MTHFD1L: variants seen among roughly 807,000 people sequenced by gnomAD.
MTHFD1L encodes monofunctional C1-tetrahydrofolate synthase, mitochondrial.
Under a neutral mutation model 119.5 loss-of-function variants are expected in MTHFD1L, and 81 were observed. The observed-to-expected ratio is 0.68, with a 90% CI of 0.57 to 0.82. The LOEUF (loss-of-function observed/expected upper bound fraction) is 0.82. Among genes scored for constraint, MTHFD1L ranks in the 40% least tolerant of loss-of-function variants. The pLI, the probability that MTHFD1L is intolerant of heterozygous loss-of-function variation, is 0.00. For synonymous variants in MTHFD1L, 430 were observed against 475.2 expected (o/e 0.90, Z 1.24); for missense variants, 1,125 against 1,253.4 (o/e 0.90, Z 1.55).
chr6:150,962,467 C>G (rs17351621), intron 18 of MTHFD1L, among the ~76,000 whole-genome samples: 12,221 of 152,228 alleles, frequency 0.08, 649 homozygotes, highest in Non-Finnish European at 0.12. Flanking sequence ...TGTGCTTCAT[C>G]CAGTGGGAGC....
chr6:151,057,457 A>T (rs571907637), intron 26 of MTHFD1L: 3 of 507,256 alleles, frequency 5.9e-6, no homozygotes, highest in Non-Finnish European at 7.6e-6. Flanking sequence ...CCTGGGCAAC[A>T]TAATGAAAAC....
At chr6:150,960,050 G>T (rs113553804) in intron 17 of MTHFD1L, among the ~76,000 whole-genome samples, 1 of 152,224 alleles carries the variant, frequency 6.6e-6, no homozygotes, top group African/African-American at 2.4e-5. Flanking sequence ...GCTGAGCAGA[G>T]CATGGCAAAG....
chr6:150,944,284 A>G (rs756701150), intron 13 of MTHFD1L, among the ~76,000 whole-genome samples: 1 of 152,210 alleles, frequency 6.6e-6, no homozygotes, highest in Non-Finnish European at 1.5e-5. Flanking sequence ...CCATCTCCAC[A>G]GAAAATTCAA....
At chr6:151,086,945 C>A (rs1210996142) in intron 26 of MTHFD1L, among the ~76,000 whole-genome samples, 1 of 152,186 alleles carries the variant, frequency 6.6e-6, no homozygotes, top group East Asian at 1.9e-4. Flanking sequence ...AAAAGAAAAT[C>A]TTTTTATTTA....
intron 8 of MTHFD1L, among the ~76,000 whole-genome samples, chr6:150,913,668 G>C (rs1312939927): frequency 1.3e-5 from 2 of 152,142 alleles, no homozygotes; most frequent in Non-Finnish European, 2.9e-5. Flanking sequence ...ATATAATTAA[G>C]AGAGTGTGGG....
rs1562427044 is a variant in MTHFD1L at position 150,944,380 on chromosome 6, T to G, written c.1441-106T>G. The G allele has an allele frequency of 4.7e-5, 37 of 793,032 alleles. 1 individual carries two copies. In the South Asian group the frequency reaches 5.6e-4, roughly 12 times the overall value. The allele number at this position is 793,032 out of a possible 1,614,324, so 49.1% of individuals were successfully genotyped here. ...AGAGGATTGCTTGAGCCCAAGAGTT[T>G]GAGAATACAGTGAGCTATGATCATG... On this transcript the variant is annotated intron_variant, in intron 13 of 27. Transcript: ENST00000367321.
At chr6:150,866,462 G>T in intron 1 of MTHFD1L, 1 of 1,320,998 alleles carries the variant, frequency 7.6e-7, no homozygotes, top group Non-Finnish European at 9.6e-7. Flanking sequence ...GCTGCGGCTC[G>T]GCGCGCCGGC....
At chr6:150,874,470 G>C (rs1039675708) in intron 1 of MTHFD1L, among the ~76,000 whole-genome samples, 1 of 152,220 alleles carries the variant, frequency 6.6e-6, no homozygotes, top group Non-Finnish European at 1.5e-5. Flanking sequence ...AAAGCTTCCC[G>C]ATGCCTTTCT....
At chr6:151,028,530 A>G (rs1342451875) in intron 24 of MTHFD1L, among the ~76,000 whole-genome samples, 1 of 152,122 alleles carries the variant, frequency 6.6e-6, no homozygotes, top group Non-Finnish European at 1.5e-5. Context: ...TGAGAACATT[A>G]TGCTAAATGA....
chr6:150,927,831 A>T (rs1790304899), intron 11 of MTHFD1L, among the ~76,000 whole-genome samples: 1 of 152,010 alleles, frequency 6.6e-6, no homozygotes, highest in South Asian at 2.1e-4. Context: ...GAGGGTGGAG[A>T]TCCCATCTTA....
chr6:151,062,280 C>CA (rs932947702), intron 26 of MTHFD1L, among the ~76,000 whole-genome samples: 10 of 151,970 alleles, frequency 6.6e-5, no homozygotes, highest in South Asian at 2.1e-4. Context: ...ACTAAAAATA[C>CA]AAAAAAAATT....
At chr6:151,033,802 C>A (rs1461123030) in intron 24 of MTHFD1L, among the ~76,000 whole-genome samples, 2 of 152,104 alleles carry the variant, frequency 1.3e-5, no homozygotes, top group East Asian at 3.9e-4. Context: ...ACTATGAACC[C>A]GTATTCAGAC....
At chr6:151,095,403 ATAAG>A (rs1794816016) in intron 27 of MTHFD1L, among the ~76,000 whole-genome samples, 1 of 152,324 alleles carries the variant, frequency 6.6e-6, no homozygotes, top group East Asian at 1.9e-4. Flanking sequence ...TTTCTCCAGA[ATAAG>A]TGTGTTTGAT....
intron 24 of MTHFD1L, among the ~76,000 whole-genome samples, chr6:151,031,134 AG>A (rs1476192984): frequency 6.6e-6 from 1 of 152,246 alleles, no homozygotes; most frequent in African/African-American, 2.4e-5. Flanking sequence ...CAGCTTATAC[AG>A]AACCCTCCAG....
chr6:150,961,030 G>A (rs375286656), intron 18 of MTHFD1L, among the ~76,000 whole-genome samples: 2 of 151,118 alleles, frequency 1.3e-5, no homozygotes, highest in Non-Finnish European at 2.9e-5. Context: ...TTTCTAATTG[G>A]CATGCTAGTC....
At chr6:151,003,776 T>C (rs913661283) in intron 20 of MTHFD1L, among the ~76,000 whole-genome samples, 2 of 152,086 alleles carry the variant, frequency 1.3e-5, no homozygotes, top group Admixed American at 6.5e-5. Flanking sequence ...GAGTGTTTAA[T>C]GATGTTTTTG....
intron 7 of MTHFD1L, chr6:150,898,778 T>C (rs1010798068): frequency 2.8e-6 from 1 of 358,530 alleles, no homozygotes; most frequent in Non-Finnish European, 5.3e-6. Context: ...ACACATTCTC[T>C]TTCTTAGCCC....
intron 11 of MTHFD1L, chr6:150,935,154 T>C: frequency 4.3e-6 from 7 of 1,612,946 alleles, no homozygotes; most frequent in Non-Finnish European, 5.9e-6. Flanking sequence ...AAGGTAAGCT[T>C]GGGAAATTCT....
chr6:151,023,510 T>C (rs1784239375), intron 24 of MTHFD1L, among the ~76,000 whole-genome samples: 1 of 152,176 alleles, frequency 6.6e-6, no homozygotes, highest in African/African-American at 2.4e-5. Context: ...TCAGCTGTGT[T>C]AGACAGTTTC....
Sources: gnomAD v4.1 joint callset for allele counts (sites outside exome capture counted in the v4.1 genomes callset) on GRCh38, gnomAD v4.1.1 for gene constraint, MANE v1.5 for transcripts, NCBI Gene and HGNC (gene_info 2026-07-23, HGNC 2026-07-21) for gene names.